Variants in MFSD6 observed in about 807,000 individuals in gnomAD.
MFSD6 encodes major facilitator superfamily domain-containing protein 6.
In MFSD6, 26 loss-of-function variants were observed where a neutral mutation model predicts 56.3. The observed-to-expected ratio is 0.46, with a 90% CI of 0.34 to 0.64. MFSD6 has a LOEUF of 0.64. Among genes scored for constraint, MFSD6 ranks in the 30% least tolerant of loss-of-function variants. The pLI, the probability that MFSD6 is intolerant of heterozygous loss-of-function variation, is 0.01. For synonymous variants in MFSD6, 331 were observed against 366.9 expected, an observed-to-expected ratio of 0.90 and a Z score of 1.12; for missense variants, 750 against 986.2, an observed-to-expected ratio of 0.76 and a Z score of 3.21.
rs375195002 is a variant in MFSD6 at position 190,491,864 on chromosome 2, G to C, written c.1891+1998G>C. On this transcript the variant is annotated intron_variant, in intron 6 of 7. Transcript: ENST00000392328. The surrounding 1 kb of genome is among the most constrained non-coding windows in gnomAD (Gnocchi z 4.2). ...AAGGTCCATTATTAAGTTAATCAAG[G>C]AGGCACTAGAGAAAGGTGAAGTCCA... Among the ~76,000 whole-genome samples the C allele has an allele frequency of 8.5e-5, 13 of 152,232 alleles. 2 individuals carry two copies. The highest frequency in any genetic ancestry group is 2.9e-4 in the African/African-American group (12 of 41,544).
rs1689632750 is a variant in MFSD6, at chr2:190,495,694, A to AAT, written c.1892-1743_1892-1742dup. ...AATAGAAAACCCATAAATAAAGCCA[A>AAT]ATACAGCCAACTGATATTTGACAAA... On this transcript the variant is annotated intron_variant, in intron 6 of 7. Coordinates refer to ENST00000392328, the MANE Select transcript of MFSD6 (RefSeq NM_017694.4). The surrounding 1 kb of genome is among the most constrained non-coding windows in gnomAD (Gnocchi z 4.7). Among the ~76,000 whole-genome samples, 1 of 151,692 alleles carries AAT rather than the reference A, an allele frequency of 6.6e-6. No homozygotes were observed. The highest frequency in any genetic ancestry group is 1.5e-5 in the Non-Finnish European group (1 of 67,700).
Position 190,458,752 on chromosome 2 carries a change from C to T in MFSD6, c.1533-11006C>T, listed in dbSNP as rs1204573592. Among the ~76,000 whole-genome samples, 1 of 152,162 alleles carries T rather than the reference C, an allele frequency of 6.6e-6. No homozygotes were observed. Among genetic ancestry groups the T allele is most frequent in the Admixed American group, 6.6e-5 (1 of 15,266 alleles). The stretch of plus-strand genomic sequence containing the variant: ...CAGAGAAGCTTAAGTAAAATGGGGA[C>T]TGTATTGTCCAATTGAGAAGTCCAG... On this transcript the variant is annotated intron_variant, in intron 3 of 7. Transcript: ENST00000392328. The surrounding 1 kb of genome is among the most constrained non-coding windows in gnomAD (Gnocchi z 5.3).
At position 190,438,555 on chromosome 2, in the gene MFSD6, T is replaced by C. The variant is rs1686259028; in HGVS notation, c.1532+994T>C. On this transcript the variant is annotated intron_variant, in intron 3 of 7. Transcript: ENST00000392328. The surrounding 1 kb of genome is among the most constrained non-coding windows in gnomAD (Gnocchi z 5.2). ...CCTGTAAGTGCCTAGTGTTTCTTGT[T>C]GTGTACTATTTCTTCTCACCATTAA... Among the ~76,000 whole-genome samples, 1 of 152,226 alleles carries C rather than the reference T, an allele frequency of 6.6e-6. No homozygotes were observed. The highest frequency in any genetic ancestry group is 2.1e-4 in the South Asian group (1 of 4,834).
In MFSD6 at chr2:190,476,874, A is replaced by T. The variant is rs1271229188; in HGVS notation, c.1630+7019A>T. On this transcript the variant is annotated intron_variant, in intron 4 of 7. Transcript: ENST00000392328. ...ATACACCATGGAGTACTATGCAGCC[A>T]TAAAAAATGATGAGTTCATGTCCTT... is the stretch of plus-strand genomic sequence containing the variant. Among the ~76,000 whole-genome samples the T allele has an allele frequency of 2.0e-5, 3 of 152,302 alleles. No individual in the cohort carries two copies. In the East Asian group the frequency reaches 5.8e-4, roughly 29 times the overall value.
chr2:190,440,304 A>G (rs897584709), intron 3 of MFSD6, among the ~76,000 whole-genome samples: 8 of 152,236 alleles, frequency 5.3e-5, no homozygotes, highest in Non-Finnish European at 1.0e-4. Flanking sequence ...CTGACCTGTC[A>G]GTCTAAACAC....
rs1188281022 is a variant in MFSD6, at chr2:190,469,665, A to G, written c.1533-93A>G. ...GAAGGAAAAGGTAGGTAATATTTGC[A>G]TGTTTTGTACACATATTAGATTGTA... is the stretch of plus-strand genomic sequence containing the variant. On this transcript the variant is annotated intron_variant, in intron 3 of 7. Transcript: ENST00000392328. This position sits in a 1 kb window ranked among gnomAD's most constrained non-coding sequence, Gnocchi z 5.3. 1 of 657,094 alleles carries G rather than the reference A, an allele frequency of 1.5e-6. No homozygotes were observed. The highest frequency in any genetic ancestry group is 2.2e-6 in the Non-Finnish European group (1 of 460,314). The allele number at this position is 657,094 out of a possible 1,614,324, so 40.7% of individuals were successfully genotyped here. A position where few individuals can be genotyped will look rare whatever the true frequency, so the allele number is the denominator to read the frequency against.
At chr2:190,442,021 C>T (rs1463019211) in intron 3 of MFSD6, among the ~76,000 whole-genome samples, 1 of 152,108 alleles carries the variant, frequency 6.6e-6, no homozygotes, top group Non-Finnish European at 1.5e-5. Context: ...AAACAGAATA[C>T]AAATAGAATA....
At chr2:190,408,043 C>T (rs898351049), upstream of MFSD6, among the ~76,000 whole-genome samples, 3 of 152,140 alleles carry the variant, frequency 2.0e-5, no homozygotes, top group South Asian at 6.2e-4. Flanking sequence ...CTCCCCGGGC[C>T]CGGCTGGGTT....
intron 4 of MFSD6, among the ~76,000 whole-genome samples, chr2:190,476,789 G>C (rs1372443239): frequency 2.0e-5 from 3 of 152,038 alleles, no homozygotes; most frequent in Non-Finnish European, 2.9e-5. Context: ...CAATAGCAAA[G>C]ACTTGGAACC....
chr2:190,418,080 T>C lies in MFSD6; in HGVS notation c.-54+2667T>C, dbSNP rs999741006. Among the ~76,000 whole-genome samples, 1 of 151,864 alleles carries C rather than the reference T, an allele frequency of 6.6e-6. No homozygotes were observed. Among genetic ancestry groups the C allele is most frequent in the Admixed American group, 6.6e-5 (1 of 15,238 alleles). On this transcript the variant is annotated intron_variant, in intron 2 of 7. Transcript: ENST00000392328. This position sits in a 1 kb window ranked among gnomAD's most constrained non-coding sequence, Gnocchi z 4.1. ...TCTTTGAGGCCTAAGACCTAACTTT[T>C]GGGATCCCTGTCTCATAGCTGCACA...
intron 3 of MFSD6, among the ~76,000 whole-genome samples, chr2:190,453,485 C>G (rs1344497491): frequency 6.6e-6 from 1 of 152,166 alleles, no homozygotes; most frequent in Non-Finnish European, 1.5e-5. Context: ...TTATTTTCAC[C>G]TGGTCAATCC....
chr2:190,428,203 C>T (rs1293077208), intron 2 of MFSD6, among the ~76,000 whole-genome samples: 3 of 152,176 alleles, frequency 2.0e-5, no homozygotes, highest in African/African-American at 7.2e-5. Flanking sequence ...TTTACTGTTG[C>T]ACAGTATTTC....
At chr2:190,484,044 G>T (rs1688867663) in intron 4 of MFSD6, among the ~76,000 whole-genome samples, 1 of 152,138 alleles carries the variant, frequency 6.6e-6, no homozygotes, top group African/African-American at 2.4e-5. Flanking sequence ...CTAAGTTTAT[G>T]TGGACTACTT....
rs375213235 is a variant in MFSD6 at position 190,417,056 on chromosome 2, A to G, written c.-54+1643A>G. Among the ~76,000 whole-genome samples, 1 of 152,148 alleles carries G rather than the reference A, an allele frequency of 6.6e-6. No homozygotes were observed. The highest frequency in any genetic ancestry group is 2.4e-5 in the African/African-American group (1 of 41,418). ...TATACAGTCTTGTTGGGCAAACGAG[A>G]TATCTGTAAAAAGATAGCAATAAAA... On this transcript the variant is annotated intron_variant, in intron 2 of 7. Transcript: ENST00000392328. The surrounding 1 kb of genome is among the most constrained non-coding windows in gnomAD (Gnocchi z 5.7).
chr2:190,492,571 A>G lies in MFSD6; in HGVS notation c.1891+2705A>G, dbSNP rs1689419933. On this transcript the variant is annotated intron_variant, in intron 6 of 7. Coordinates refer to ENST00000392328, the MANE Select transcript of MFSD6 (RefSeq NM_017694.4). The surrounding 1 kb of genome is among the most constrained non-coding windows in gnomAD (Gnocchi z 5.2). The stretch of plus-strand genomic sequence containing the variant: ...TATCATTGGGTCAACAGCAAAATCA[A>G]TATGGAAATTTAAAATTGAACTGAA... Among the ~76,000 whole-genome samples, 2 of 152,228 alleles carry G rather than the reference A, an allele frequency of 1.3e-5. No homozygotes were observed. Among genetic ancestry groups the G allele is most frequent in the East Asian group, 3.8e-4 (2 of 5,206 alleles).
chr2:190,447,157 TGA>T lies in MFSD6; in HGVS notation c.1532+9597_1532+9598del, dbSNP rs1294468475. On this transcript the variant is annotated intron_variant, in intron 3 of 7. Transcript: ENST00000392328. This position sits in a 1 kb window ranked among gnomAD's most constrained non-coding sequence, Gnocchi z 4.5. ...AAAATATTAGCGCACTCAAGGTGTC[TGA>T]CATGGAATTATTTTAACACAATGAG... Among the ~76,000 whole-genome samples, 239 of 152,320 alleles carry T rather than the reference TGA, an allele frequency of 1.6e-3. 1 individual carries two copies. The highest frequency in any genetic ancestry group is 5.6e-3 in the African/African-American group (231 of 41,562).
chr2:190,489,682 T>C lies in MFSD6; in HGVS notation c.1793-86T>C. Reference sequence around the variant, plus strand: ...TTGTCTCAAGCTGTGCTTCCTTTGCTTTGATCTTTAGAAAACTGATGGTTT... The same window carrying C: ...TTGTCTCAAGCTGTGCTTCCTTTGCCTTGATCTTTAGAAAACTGATGGTTT... On this transcript the variant is annotated intron_variant, in intron 5 of 7. Coordinates refer to ENST00000392328, the MANE Select transcript of MFSD6 (RefSeq NM_017694.4). This position sits in a 1 kb window ranked among gnomAD's most constrained non-coding sequence, Gnocchi z 6.6. 1 of 1,285,736 alleles carries C rather than the reference T, an allele frequency of 7.8e-7. No homozygotes were observed. The highest frequency in any genetic ancestry group is 1.1e-6 in the Non-Finnish European group (1 of 923,414). 79.6% of individuals were successfully genotyped at this position (1,285,736 alleles called of 1,614,324 possible).
intron 3 of MFSD6, among the ~76,000 whole-genome samples, chr2:190,441,816 C>CTCT (rs1686390704): frequency 6.6e-6 from 1 of 151,794 alleles, no homozygotes; most frequent in African/African-American, 2.4e-5. Context: ...ACATTCTCTC[C>CTCT]TCTCTTTATT....
At chr2:190,421,472 A>G (rs1685610763) in intron 2 of MFSD6, among the ~76,000 whole-genome samples, 1 of 129,264 alleles carries the variant, frequency 7.7e-6, no homozygotes, top group South Asian at 2.9e-4. Flanking sequence ...GTATGAAGTT[A>G]AAAAAATGAA....
Sources: gnomAD v4.1 joint callset for allele counts (sites outside exome capture counted in the v4.1 genomes callset) on GRCh38, gnomAD v4.1.1 for gene constraint, Gnocchi (gnomAD v3.1) non-coding constraint, MANE v1.5 for transcripts, NCBI Gene and HGNC (gene_info 2026-07-23, HGNC 2026-07-21) for gene names.